Variants in MALRD1 observed in about 807,000 individuals in gnomAD.
MALRD1 encodes MAM and LDL-receptor class A domain-containing protein 1.
A neutral mutation model predicts 242.1 loss-of-function variants in MALRD1; 247 were observed. The observed-to-expected ratio is 1.02, with a 90% CI of 0.92 to 1.13. MALRD1 has a LOEUF of 1.13. Among genes scored for constraint, MALRD1 ranks in the 50% most tolerant of loss-of-function variants. MALRD1 has a pLI of 0.00. For synonymous variants in MALRD1, 995 were observed against 866.6 expected, an observed-to-expected ratio of 1.15 and a Z score of -2.60; for missense variants, 2,989 against 2,533.1, an observed-to-expected ratio of 1.18 and a Z score of -3.86.
At chr10:19,701,292 A>T (rs1382994417) in intron 38 of MALRD1, among the ~76,000 whole-genome samples, 1 of 152,130 alleles carries the variant, frequency 6.6e-6, no homozygotes, top group Non-Finnish European at 1.5e-5. Context: ...CCTTACTCTC[A>T]GGTCTTCAGA....
chr10:19,461,745 G>A (rs988866663), intron 29 of MALRD1, among the ~76,000 whole-genome samples: 7 of 152,074 alleles, frequency 4.6e-5, no homozygotes, highest in African/African-American at 1.7e-4. Flanking sequence ...TTAGAAAGCC[G>A]AGGCAAGAAG....
At chr10:19,156,462 G>GTTTTT (rs36080909) in intron 12 of MALRD1, among the ~76,000 whole-genome samples, 1 of 126,576 alleles carries the variant, frequency 7.9e-6, no homozygotes. Flanking sequence ...GATATAGAGC[G>GTTTTT]TTTTTTTTTT....
chr10:19,302,124 A>G (rs1254535485), intron 21 of MALRD1, among the ~76,000 whole-genome samples: 1 of 151,812 alleles, frequency 6.6e-6, no homozygotes, highest in Non-Finnish European at 1.5e-5. Flanking sequence ...ACAGGTGTTG[A>G]TGAGAATGTG....
At chr10:19,567,916 A>G (rs984699068) in intron 33 of MALRD1, among the ~76,000 whole-genome samples, 1 of 152,180 alleles carries the variant, frequency 6.6e-6, no homozygotes, top group Non-Finnish European at 1.5e-5. Context: ...ATAACTTTGC[A>G]CTAAAGTTGT....
intron 28 of MALRD1, among the ~76,000 whole-genome samples, chr10:19,439,941 C>T (rs1383525138): frequency 2.0e-5 from 3 of 152,052 alleles, no homozygotes. Context: ...TACATTTTCC[C>T]CTTCTTTCTA....
intron 35 of MALRD1, among the ~76,000 whole-genome samples, chr10:19,609,663 A>G (rs1429690308): frequency 2.0e-5 from 3 of 152,080 alleles, no homozygotes; most frequent in Admixed American, 6.6e-5. Context: ...ATATATTTCA[A>G]TGAATCCTGT....
chr10:19,286,274 G>T (rs948806556), intron 21 of MALRD1, among the ~76,000 whole-genome samples: 2 of 148,852 alleles, frequency 1.3e-5, no homozygotes, highest in Non-Finnish European at 3.0e-5. Context: ...GCCCTGGCCA[G>T]AACTTCCAAC....
intron 32 of MALRD1, among the ~76,000 whole-genome samples, chr10:19,554,338 A>T (rs1367753756): frequency 1.3e-5 from 2 of 152,120 alleles, no homozygotes; most frequent in Non-Finnish European, 2.9e-5. Context: ...CAGGAGCAAG[A>T]GGTGGAGGGA....
intron 21 of MALRD1, among the ~76,000 whole-genome samples, chr10:19,305,877 A>C (rs1345311036): frequency 1.6e-5 from 2 of 128,632 alleles, no homozygotes; most frequent in East Asian, 4.2e-4. Context: ...ATATTATATA[A>C]TATATATAAT....
chr10:19,332,799 C>G (rs1252958496), intron 24 of MALRD1, among the ~76,000 whole-genome samples: 1 of 152,174 alleles, frequency 6.6e-6, no homozygotes, highest in Non-Finnish European at 1.5e-5. Flanking sequence ...ACAGATGAAG[C>G]TGTCAACAAG....
Position 19,146,195 on chromosome 10 carries a change from C to A in MALRD1, c.1412-3C>A. 7.3e-6 allele frequency: 9 copies of A among 1,231,596 alleles called. No homozygotes were observed. The highest frequency in any genetic ancestry group is 9.1e-6 in the Non-Finnish European group (9 of 987,892). 76.3% of individuals were successfully genotyped at this position (1,231,596 alleles called of 1,614,324 possible). A position where few individuals can be genotyped will look rare whatever the true frequency, so the allele number is the denominator to read the frequency against. ...CACCTGTTTTCTCTTCTACGTGTAA[C>A]AGCAAAGCATCTCACCTGTGACTTT... On this transcript the variant is annotated splice_region_variant and splice_polypyrimidine_tract_variant and intron_variant, in intron 10 of 39. Transcript: ENST00000454679.
chr10:19,728,902 C>T (rs1374365690), intron 38 of MALRD1, among the ~76,000 whole-genome samples: 3 of 152,134 alleles, frequency 2.0e-5, no homozygotes, highest in Non-Finnish European at 4.4e-5. Context: ...AAAGTAAAGG[C>T]AAAGAGTCAA....
intron 28 of MALRD1, among the ~76,000 whole-genome samples, chr10:19,450,082 G>A (rs1039351278): frequency 3.3e-5 from 5 of 152,132 alleles, no homozygotes; most frequent in Non-Finnish European, 5.9e-5. Flanking sequence ...AGTATTACGA[G>A]CCCTTAGTGC....
At chr10:19,150,616 C>T (rs1413226624) in intron 11 of MALRD1, among the ~76,000 whole-genome samples, 1 of 152,202 alleles carries the variant, frequency 6.6e-6, no homozygotes, top group Non-Finnish European at 1.5e-5. Context: ...AATTACAGGA[C>T]TTAACTCATT....
At chr10:19,442,080 A>T (rs1336234618) in intron 28 of MALRD1, among the ~76,000 whole-genome samples, 1 of 152,068 alleles carries the variant, frequency 6.6e-6, no homozygotes, top group African/African-American at 2.4e-5. Context: ...TAGGTATTTT[A>T]TTCTCTTTGA....
chr10:19,478,552 T>G (rs1836847185), intron 29 of MALRD1, among the ~76,000 whole-genome samples: 1 of 152,182 alleles, frequency 6.6e-6, no homozygotes, highest in African/African-American at 2.4e-5. Flanking sequence ...GGGTCCCTTT[T>G]TAATGAGGAT....
At chr10:19,505,042 A>T (rs180826126) in intron 31 of MALRD1, among the ~76,000 whole-genome samples, 90 of 152,134 alleles carry the variant, frequency 5.9e-4, no homozygotes, top group Non-Finnish European at 1.1e-3. Flanking sequence ...ATTCCAAGAA[A>T]AAGAAGGAGA....
chr10:19,150,853 T>A (rs997279043), intron 11 of MALRD1, among the ~76,000 whole-genome samples: 1 of 152,212 alleles, frequency 6.6e-6, no homozygotes, highest in Non-Finnish European at 1.5e-5. Flanking sequence ...TGTTCCCCTA[T>A]CCAGTGACAT....
At chr10:19,355,590 A>T (rs1844587815) in intron 26 of MALRD1, among the ~76,000 whole-genome samples, 1 of 151,178 alleles carries the variant, frequency 6.6e-6, no homozygotes, top group African/African-American at 2.4e-5. Context: ...TTGTATAGCT[A>T]TCTCAGCTGT....
Sources: allele counts gnomAD v4.1 joint callset (sites outside exome capture counted in the v4.1 genomes callset), GRCh38; gene constraint gnomAD v4.1.1; transcripts MANE v1.5; gene names NCBI Gene and HGNC (gene_info 2026-07-23, HGNC 2026-07-21).